Variants in ACADM observed in about 807,000 individuals in gnomAD.
The protein encoded by ACADM is medium-chain specific acyl-CoA dehydrogenase, mitochondrial.
ACADM carries 49 observed loss-of-function variants against 58.9 expected under a neutral mutation model. The observed-to-expected ratio is 0.83, with a 90% CI of 0.66 to 1.06. ACADM has a LOEUF of 1.06. Among genes scored for constraint, ACADM ranks in the 50% least tolerant of loss-of-function variants. ACADM has a pLI of 0.00. For synonymous variants in ACADM, 160 were observed against 157.7 expected (o/e 1.01, Z -0.11); for missense variants, 496 against 507.0 (o/e 0.98, Z 0.21).
intron 10 of ACADM, among the ~76,000 whole-genome samples, chr1:75,759,655 TC>T (rs375787923): frequency 1.3e-4 from 17 of 126,514 alleles, no homozygotes; most frequent in Non-Finnish European, 2.5e-4. Flanking sequence ...GTAGCAACTT[TC>T]TTTTTTTTTT....
At chr1:75,730,656 A>G (rs759886325) in intron 2 of ACADM, among the ~76,000 whole-genome samples, 4 of 151,724 alleles carry the variant, frequency 2.6e-5, no homozygotes, top group African/African-American at 7.3e-5. Flanking sequence ...AGTTAGGACA[A>G]TAGGTCCATG....
chr1:75,739,213 T>C (rs987838008), intron 6 of ACADM, among the ~76,000 whole-genome samples: 7 of 152,218 alleles, frequency 4.6e-5, no homozygotes, highest in African/African-American at 1.7e-4. Context: ...AAACATCCTC[T>C]GCCCTGGGAA....
Position 75,728,772 on chromosome 1 carries a change from T to C in ACADM, c.118+284T>C, listed in dbSNP as rs909428525. Among the ~76,000 whole-genome samples the C allele has an allele frequency of 2.4e-4, 37 of 152,236 alleles. 1 individual carries two copies. Among genetic ancestry groups the C allele is most frequent in the Admixed American group, 1.4e-3 (21 of 15,282 alleles). Reference sequence around the variant, plus strand: ...GCCCAAAATAAATGAGATTTACTGATATATATGAATAGTCTTCAACTTACA... The same window carrying C: ...GCCCAAAATAAATGAGATTTACTGACATATATGAATAGTCTTCAACTTACA... On this transcript the variant is annotated intron_variant, in intron 2 of 11. Coordinates refer to ENST00000370841, the MANE Select transcript of ACADM (RefSeq NM_000016.6).
At chr1:75,735,450 T>C (rs184911177) in intron 6 of ACADM, among the ~76,000 whole-genome samples, 55 of 152,188 alleles carry the variant, frequency 3.6e-4, no homozygotes, top group Non-Finnish European at 3.2e-4. Context: ...GAGAGAGAGC[T>C]CTATTTAGTG....
chr1:75,750,585 C>A, intron 10 of ACADM, 39 bp downstream of exon 10: 1 of 1,268,228 alleles, frequency 7.9e-7, no homozygotes, highest in East Asian at 2.3e-5. Flanking sequence ...AATGTAAAGA[C>A]ACTCATTTTC....
At chr1:75,751,436 T>C (rs1282110732) in intron 10 of ACADM, among the ~76,000 whole-genome samples, 6 of 151,954 alleles carry the variant, frequency 3.9e-5, no homozygotes, top group Non-Finnish European at 8.8e-5. Context: ...AGCTCAGAGG[T>C]ATTAAATGAT....
chr1:75,726,800 C>CTTTTTTTTTTTTTTTTTTTTTTTT (rs748703972), intron 1 of ACADM, among the ~76,000 whole-genome samples: 1 of 119,844 alleles, frequency 8.3e-6, no homozygotes. Context: ...AACTGTTTCA[C>CTTTTTTTTTTTTTTTTTTTTTTTT]TTTTTTTTTT....
intron 4 of ACADM, 120 bp downstream of exon 4, chr1:75,733,042 C>T (rs1647175357): frequency 6.2e-7 from 1 of 1,613,208 alleles, no homozygotes; most frequent in Non-Finnish European, 8.5e-7. Context: ...CCTTTGTCTT[C>T]CTGCTCAGAC....
At chr1:75,753,541 G>A (rs142878325) in intron 10 of ACADM, among the ~76,000 whole-genome samples, 73 of 151,648 alleles carry the variant, frequency 4.8e-4, no homozygotes, top group African/African-American at 1.7e-3. Context: ...ATGCTTTTCA[G>A]TGAAGATCTG....
Position 75,740,236 on chromosome 1 carries a change from G to A in ACADM, c.599+126G>A, listed in dbSNP as rs1164069099. 11 of 947,590 alleles carry A rather than the reference G, an allele frequency of 1.2e-5. No homozygotes were observed. In the East Asian group the frequency reaches 2.9e-4, roughly 25 times the overall value. 58.7% of individuals were successfully genotyped at this position (947,590 alleles called of 1,614,324 possible). ...GTTTGTGGAACTGGAAGGCCTAAAG[G>A]AGATTATAAACAGTTCAGTGATTTT... is the stretch of plus-strand genomic sequence containing the variant. On this transcript the variant is annotated intron_variant, in intron 7 of 11. Coordinates refer to ENST00000370841, the MANE Select transcript of ACADM (RefSeq NM_000016.6).
chr1:75,730,557 T>TA (rs1023843129), intron 2 of ACADM, among the ~76,000 whole-genome samples: 22 of 151,248 alleles, frequency 1.5e-4, no homozygotes, highest in African/African-American at 5.3e-4. Context: ...TTTTTTTTTT[T>TA]AAGAGACAGG....
chr1:75,753,271 GT>G lies in ACADM; in HGVS notation c.945+2727del, dbSNP rs545739632. Among the ~76,000 whole-genome samples the G allele has an allele frequency of 4.8e-3, 733 of 152,182 alleles. 4 individuals are homozygous for G. The highest frequency in any genetic ancestry group is 0.017 in the African/African-American group (701 of 41,520). ...GTTCATGCTCACATCGAAATCTCCT[GT>G]TCTTATGTGTTTCTTAAAACTCTGG... On this transcript the variant is annotated intron_variant, in intron 10 of 11. Coordinates refer to ENST00000370841, the MANE Select transcript of ACADM (RefSeq NM_000016.6).
At position 75,734,778 on chromosome 1, in the gene ACADM, T is replaced by C; in HGVS notation, c.388-13T>C. 1 of 1,603,810 alleles carries C rather than the reference T, an allele frequency of 6.2e-7. No individual in the cohort carries two copies. On this transcript the variant is annotated splice_polypyrimidine_tract_variant and intron_variant, in intron 5 of 11. Transcript: ENST00000370841. The stretch of plus-strand genomic sequence containing the variant: ...AAATGACTTGATTTTTTAATGTCAA[T>C]TTTCTTCGGTAGCAAATGCCTATTA...
rs754219595 is a variant in ACADM, at chr1:75,740,095, G to C, written c.584G>C (p.Gly195Ala). 1 of 1,611,734 alleles carries C rather than the reference G, an allele frequency of 6.2e-7. No homozygotes were observed. Among genetic ancestry groups the C allele is most frequent in the African/African-American group, 1.3e-5 (1 of 74,996 alleles). The change falls in exon 7 of 12, where the codon GGA (glycine) becomes GCA (alanine). Residue 195 changes from glycine to alanine, a missense_variant. By Grantham distance (60) the Gly-to-Ala change is moderately conservative. Transcript: ENST00000370841. ...INGQKMWITNGGKANWYFLLA... is the reference protein window; with the variant it reads ...INGQKMWITNAGKANWYFLLA... ...GGTCAGAAGATGTGGATAACCAACG[G>C]AGGAAAAGCTAATTGGTATGTTGTT...
intron 1 of ACADM, among the ~76,000 whole-genome samples, chr1:75,728,000 G>A (rs1647082810): frequency 6.6e-6 from 1 of 152,112 alleles, no homozygotes; most frequent in Admixed American, 6.6e-5. Flanking sequence ...TGATGGACTA[G>A]GCAACTCTTG....
At chr1:75,726,368 A>AAAG (rs1476328853) in intron 1 of ACADM, among the ~76,000 whole-genome samples, 2 of 149,394 alleles carry the variant, frequency 1.3e-5, no homozygotes, top group Non-Finnish European at 3.0e-5. Flanking sequence ...GACTCTGTCA[A>AAAG]AAAAAAAAAA....
At chr1:75,760,264 CAAA>C (rs764807575) in intron 10 of ACADM, among the ~76,000 whole-genome samples, 1 of 51,194 alleles carries the variant, frequency 2.0e-5, no homozygotes, top group African/African-American at 7.6e-5. Context: ...ACTAAAAATA[CAAA>C]AAAAAAAAAA....
intron 10 of ACADM, among the ~76,000 whole-genome samples, chr1:75,755,292 G>A (rs1648437463): frequency 6.6e-6 from 1 of 152,216 alleles, no homozygotes; most frequent in Non-Finnish European, 1.5e-5. Context: ...TGAGATCTGA[G>A]AACAGACAGA....
intron 8 of ACADM, among the ~76,000 whole-genome samples, chr1:75,748,068 G>C (rs532239569): frequency 1.1e-3 from 168 of 152,216 alleles, no homozygotes; most frequent in Middle Eastern, 3.4e-3. Context: ...TGTTTCCATT[G>C]CTCCTGTTTC....
Sources: gnomAD v4.1 joint callset for allele counts (sites outside exome capture counted in the v4.1 genomes callset) on GRCh38, gnomAD v4.1.1 for gene constraint, MANE v1.5 for transcripts, NCBI Gene and HGNC (gene_info 2026-07-23, HGNC 2026-07-21) for gene names.